The following TTC28 variants were observed in gnomAD, a reference collection of about 807,000 sequenced individuals.
The protein encoded by TTC28 is tetratricopeptide repeat domain 28.
TTC28 carries 61 observed loss-of-function variants against 198.0 expected under a neutral mutation model. That is an observed-to-expected ratio of 0.31 (90% CI 0.25 to 0.38). TTC28 has a LOEUF of 0.38. TTC28 is among the 10% of genes least tolerant of loss of function. The pLI is 1.00. For missense variants in TTC28, 2,678 were observed against 3,164.0 expected (o/e 0.85, Z 3.69); for synonymous variants, 1,171 against 1,297.8 (o/e 0.90, Z 2.10).
chr22:28,314,907 A>G (rs763263528), intron 2 of TTC28, among the ~76,000 whole-genome samples: 4 of 152,144 alleles, frequency 2.6e-5, no homozygotes, highest in Non-Finnish European at 1.5e-5. Context: ...AAGTTTGTAC[A>G]GATTGGCTGT....
intron 2 of TTC28, among the ~76,000 whole-genome samples, chr22:28,416,279 CT>C (rs1308382639): frequency 1.3e-5 from 2 of 152,132 alleles, no homozygotes; most frequent in African/African-American, 4.8e-5. Flanking sequence ...CTCCTTTACC[CT>C]TTGAAAGATT....
chr22:28,606,209 G>A (rs745624913), intron 2 of TTC28, among the ~76,000 whole-genome samples: 1 of 151,218 alleles, frequency 6.6e-6, no homozygotes, highest in Admixed American at 6.6e-5. Context: ...TCAGCCTCCC[G>A]AGTAGCTGGT....
In TTC28 at chr22:27,998,170, G is replaced by A. The variant is rs921863183; in HGVS notation, c.5119+370C>T. On this transcript the variant is annotated intron_variant, in intron 16 of 22. Transcript: ENST00000397906. ...CAGAGAGGGTAAGTAACCTATCTCAGGCCACACAGCCAGGACATGGAGTAG... is the reference window on the plus strand; with the variant it reads ...CAGAGAGGGTAAGTAACCTATCTCAAGCCACACAGCCAGGACATGGAGTAG... The A allele has an allele frequency of 3.4e-5, 9 of 266,530 alleles. No homozygotes were observed. The East Asian group carries it at 6.5e-4, about 19-fold the overall frequency. The allele number at this position is 266,530 out of a possible 1,614,324, so 16.5% of individuals were successfully genotyped here. A position where few individuals can be genotyped will look rare whatever the true frequency, so the allele number is the denominator to read the frequency against.
At chr22:28,165,934 A>G (rs1301322387) in intron 5 of TTC28, among the ~76,000 whole-genome samples, 2 of 152,224 alleles carry the variant, frequency 1.3e-5, no homozygotes, top group African/African-American at 2.4e-5. Flanking sequence ...CAGGAAACCC[A>G]TCTCACATGC....
At chr22:28,042,902 A>G (rs531617177) in intron 12 of TTC28, among the ~76,000 whole-genome samples, 45 of 152,250 alleles carry the variant, frequency 3.0e-4, no homozygotes, top group Non-Finnish European at 5.3e-4. Context: ...GGGGCAGTGT[A>G]GTAGACAGCT....
chr22:28,635,120 G>C (rs551257005), intron 1 of TTC28, among the ~76,000 whole-genome samples: 3 of 152,226 alleles, frequency 2.0e-5, no homozygotes, highest in African/African-American at 4.8e-5. Flanking sequence ...AGGAGATCGA[G>C]ACCATCCTGG....
intron 5 of TTC28, among the ~76,000 whole-genome samples, chr22:28,165,234 A>G (rs1465966230): frequency 6.6e-6 from 1 of 152,242 alleles, no homozygotes; most frequent in Non-Finnish European, 1.5e-5. Context: ...GGAGAATGGA[A>G]CCAAGTTGGA....
In TTC28 at chr22:28,239,902, T is replaced by A. The variant is rs987449301; in HGVS notation, c.933+56296A>T. ...TTCTTTAGACTTACCTCTCATTCCC[T>A]CATCATCTCTCATTGCTTCTAGACC... On this transcript the variant is annotated intron_variant, in intron 5 of 22. Transcript: ENST00000397906. 5.3e-5 allele frequency among the ~76,000 whole-genome samples: 8 copies of A among 152,218 alleles called. 1 individual carries two copies. The highest frequency in any genetic ancestry group is 1.2e-4 in the Non-Finnish European group (8 of 68,036).
At chr22:28,196,824 G>A (rs1353239230) in intron 5 of TTC28, among the ~76,000 whole-genome samples, 1 of 152,140 alleles carries the variant, frequency 6.6e-6, no homozygotes, top group South Asian at 2.1e-4. Context: ...CTATTGGTGG[G>A]ACTGTAAACT....
Position 28,297,866 on chromosome 22 carries a change from A to G in TTC28, c.530-14T>C. 2 of 1,549,970 alleles carry G rather than the reference A, an allele frequency of 1.3e-6. No homozygotes were observed. The highest frequency in any genetic ancestry group is 1.7e-6 in the Non-Finnish European group (2 of 1,146,264). ...GCTCGAGGGAGTCTGAAAATAAACA[A>G]CAATAACAGCAACATAACAGGAGAA... On this transcript the variant is annotated splice_polypyrimidine_tract_variant and intron_variant, in intron 3 of 22. Transcript: ENST00000397906.
At chr22:28,438,012 C>A (rs963503389) in intron 2 of TTC28, among the ~76,000 whole-genome samples, 16 of 152,134 alleles carry the variant, frequency 1.1e-4, no homozygotes, top group Non-Finnish European at 1.9e-4. Context: ...GAACCAAAAC[C>A]TGGGTCTCTT....
intron 14 of TTC28, among the ~76,000 whole-genome samples, chr22:28,009,636 A>T (rs13057948): frequency 0.037 from 5,695 of 152,262 alleles, 172 homozygotes; most frequent in South Asian, 0.055. Context: ...GGGGTCACTG[A>T]GGCTGACCTG....
intron 2 of TTC28, among the ~76,000 whole-genome samples, chr22:28,531,914 G>A (rs952788205): frequency 1.3e-5 from 2 of 152,186 alleles, no homozygotes; most frequent in African/African-American, 4.8e-5. Flanking sequence ...AAAGCAGTGT[G>A]TAGAGGGAAA....
chr22:28,386,566 T>G (rs1396074474), intron 2 of TTC28, among the ~76,000 whole-genome samples: 2 of 152,124 alleles, frequency 1.3e-5, no homozygotes, highest in Non-Finnish European at 2.9e-5. Context: ...CCTAAAATAT[T>G]TGTCCTTGAA....
At chr22:28,339,570 C>G (rs1257384217) in intron 2 of TTC28, among the ~76,000 whole-genome samples, 2 of 152,194 alleles carry the variant, frequency 1.3e-5, no homozygotes, top group Non-Finnish European at 2.9e-5. Context: ...CTTTGTTTAC[C>G]TACTCAAGCC....
chr22:28,555,099 A>C (rs912888367), intron 2 of TTC28, among the ~76,000 whole-genome samples: 3 of 152,220 alleles, frequency 2.0e-5, no homozygotes, highest in African/African-American at 7.2e-5. Context: ...CATATGGAAA[A>C]ATGCTCAACA....
In TTC28 at chr22:28,620,160, A is replaced by AC. The variant is rs1164304334; in HGVS notation, c.381+9391dup. On this transcript the variant is annotated intron_variant, in intron 2 of 22. Transcript: ENST00000397906. ...AGGTCAGGAGTTCGAGACCAGCCTGACCAACATGGTGAAACCCTGTCTCTA... is the reference window on the plus strand; with the variant it reads ...AGGTCAGGAGTTCGAGACCAGCCTGACCCAACATGGTGAAACCCTGTCTCTA... Among the ~76,000 whole-genome samples the AC allele has an allele frequency of 7.9e-5, 12 of 152,012 alleles. No individual in the cohort carries two copies. The East Asian group carries it at 2.3e-3, about 29-fold the overall frequency.
intron 2 of TTC28, among the ~76,000 whole-genome samples, chr22:28,418,293 A>G (rs993919468): frequency 2.0e-5 from 3 of 152,214 alleles, no homozygotes; most frequent in African/African-American, 4.8e-5. Flanking sequence ...TAAAAAAGCT[A>G]TAACAAATCA....
intron 5 of TTC28, among the ~76,000 whole-genome samples, chr22:28,260,488 G>T (rs1931241543): frequency 6.6e-6 from 1 of 152,030 alleles, no homozygotes; most frequent in Non-Finnish European, 1.5e-5. Flanking sequence ...AAGAACTACA[G>T]TTATTATTAT....
Sources: allele counts gnomAD v4.1 joint callset (sites outside exome capture counted in the v4.1 genomes callset), GRCh38; gene constraint gnomAD v4.1.1; transcripts MANE v1.5; gene names NCBI Gene and HGNC (gene_info 2026-07-23, HGNC 2026-07-21).